Variants in INPP5D observed in about 807,000 individuals in gnomAD.
INPP5D encodes the protein phosphatidylinositol 3,4,5-trisphosphate 5-phosphatase 1.
INPP5D carries 33 observed loss-of-function variants against 122.9 expected under a neutral mutation model. That is an observed-to-expected ratio of 0.27 (90% CI 0.20 to 0.36). The LOEUF (loss-of-function observed/expected upper bound fraction) is 0.36, where lower values mean the gene tolerates loss of function less well. Among genes scored for constraint, INPP5D ranks in the 10% least tolerant of loss-of-function variants. The probability of loss-of-function intolerance (pLI) is 1.00; values close to 1 mark genes in which losing one functional copy is unlikely to be tolerated. For missense variants in INPP5D, 1,053 were observed against 1,412.7 expected (o/e 0.75, Z 4.08); for synonymous variants, 584 against 576.2 (o/e 1.01, Z -0.19).
chr2:233,132,551 C>G (rs1021485594), intron 5 of INPP5D, among the ~76,000 whole-genome samples: 3 of 152,208 alleles, frequency 2.0e-5, no homozygotes, highest in Non-Finnish European at 4.4e-5. Flanking sequence ...ATCAGTAAGG[C>G]GACAGCCAGG....
intron 3 of INPP5D, among the ~76,000 whole-genome samples, chr2:233,125,093 G>A (rs546548462): frequency 4.2e-4 from 64 of 152,246 alleles, no homozygotes; most frequent in Non-Finnish European, 7.3e-4. Flanking sequence ...ATTCGTGTAC[G>A]TACAGAATGA....
chr2:233,146,065 C>T, intron 6 of INPP5D, 97 bp from the exon 7 acceptor site: 2 of 703,616 alleles, frequency 2.8e-6, no homozygotes, highest in East Asian at 2.7e-5. Context: ...TGCGGGGAGG[C>T]TGGAATGGGG....
rs752070499 is a variant in INPP5D at position 233,204,525 on chromosome 2, C to T, written c.3375C>T (p.Ser1125=). The T allele has an allele frequency of 2.5e-6, 4 of 1,580,578 alleles. No individual in the cohort carries two copies. In the South Asian group the frequency reaches 4.6e-5, roughly 18 times the overall value. ...PVPAKRPIKP[S]RSEINQQTPP... The stretch of plus-strand genomic sequence containing the variant: ...CGGCCAAGAGGCCCATCAAGCCTTC[C>T]AGATCGGAAATCAACCAGCAGACCC... The change falls in exon 26 of 27, where the codon TCC becomes TCT. Residue 1125 remains serine, a synonymous_variant. Transcript: ENST00000445964.
intron 10 of INPP5D, 126 bp downstream of exon 10, chr2:233,158,545 C>T (rs138944017): frequency 0.032 from 17,157 of 537,790 alleles, 370 homozygotes; most frequent in Middle Eastern, 0.041. Context: ...CCATTTCACA[C>T]CTGGGAAAGG....
At position 233,179,402 on chromosome 2, in the gene INPP5D, G is replaced by A. The variant is rs181379954; in HGVS notation, c.2071+2056G>A. On this transcript the variant is annotated intron_variant, in intron 18 of 26. Coordinates refer to ENST00000445964, the MANE Select transcript of INPP5D (RefSeq NM_001017915.3). ...CTGTCTGCTTCAGCCAGCCTCTGCC[G>A]AGAGTCAGGAGATAGTGGAGGCTTG... 3.2e-3 allele frequency among the ~76,000 whole-genome samples: 484 copies of A among 152,372 alleles called. 2 individuals are homozygous for A. The highest frequency in any genetic ancestry group is 0.011 in the African/African-American group (467 of 41,580).
intron 2 of INPP5D, among the ~76,000 whole-genome samples, chr2:233,117,079 G>T (rs191675088): frequency 6.6e-6 from 1 of 152,190 alleles, no homozygotes; most frequent in Non-Finnish European, 1.5e-5. Context: ...CTTGGGGGCC[G>T]CCGGTAACCA....
At chr2:233,102,343 G>A (rs1040162661) in intron 2 of INPP5D, among the ~76,000 whole-genome samples, 5 of 152,156 alleles carry the variant, frequency 3.3e-5, no homozygotes, top group South Asian at 2.1e-4. Context: ...TGCCTTTGAA[G>A]GGGTGTTTCC....
intron 2 of INPP5D, among the ~76,000 whole-genome samples, chr2:233,086,813 A>G (rs945170310): frequency 2.0e-5 from 3 of 152,224 alleles, no homozygotes; most frequent in African/African-American, 7.2e-5. Context: ...TGAAAATTTC[A>G]AATTGAATAT....
chr2:233,130,392 G>A, intron 4 of INPP5D, 116 bp from the exon 5 acceptor site: 4 of 1,111,620 alleles, frequency 3.6e-6, no homozygotes, highest in Non-Finnish European at 5.1e-6. Flanking sequence ...CTGAAGGACG[G>A]TGTCCCCTTG....
intron 1 of INPP5D, among the ~76,000 whole-genome samples, chr2:233,062,004 C>G (rs1399030903): frequency 1.3e-5 from 2 of 152,234 alleles, no homozygotes; most frequent in Admixed American, 1.3e-4. Context: ...TTCCTGTGTC[C>G]CCTCTCTCAT....
intron 18 of INPP5D, among the ~76,000 whole-genome samples, chr2:233,178,386 C>A (rs1329085111): frequency 6.6e-6 from 1 of 152,114 alleles, no homozygotes; most frequent in Non-Finnish European, 1.5e-5. Context: ...CCATTACTTA[C>A]GAAGTGAGAC....
chr2:233,178,775 CGCCAG>C (rs1304171657), intron 18 of INPP5D, among the ~76,000 whole-genome samples: 3 of 152,158 alleles, frequency 2.0e-5, no homozygotes, highest in Non-Finnish European at 4.4e-5. Flanking sequence ...TGAGTCACTG[CGCCAG>C]GCCCAGTGGT....
At chr2:233,204,845 A>C (rs558375648) in intron 26 of INPP5D, 128 bp downstream of exon 26, 336 of 1,224,866 alleles carry the variant, frequency 2.7e-4, no homozygotes, top group Middle Eastern at 2.9e-4. Flanking sequence ...TGCATGTGTG[A>C]ACGCATGCAT....
chr2:233,121,121 C>CTTTTTTTTTTTCTTTTT (rs1559302919), intron 2 of INPP5D, among the ~76,000 whole-genome samples: 1 of 117,652 alleles, frequency 8.5e-6, no homozygotes, highest in Non-Finnish European at 1.8e-5. Context: ...TTCTTTCTTT[C>CTTTTTTTTTTTCTTTTT]TTTTTTTTTT....
At chr2:233,088,354 C>T (rs1360486180) in intron 2 of INPP5D, among the ~76,000 whole-genome samples, 1 of 152,216 alleles carries the variant, frequency 6.6e-6, no homozygotes, top group African/African-American at 2.4e-5. Context: ...TCATCTTTCT[C>T]CTCTTCCTGG....
rs1430002906 is a variant in INPP5D, at chr2:233,169,416, TC to T, written c.1652+21del. On this transcript the variant is annotated intron_variant, in intron 14 of 26. Coordinates refer to ENST00000445964, the MANE Select transcript of INPP5D (RefSeq NM_001017915.3). ...AAGAAACTCAGGTAATGGAACTCCT[TC>T]CCCCCAAGAGTGTGCATTTGGGCTG... The T allele has an allele frequency of 1.3e-6, 2 of 1,573,936 alleles. No homozygotes were observed. Among genetic ancestry groups the T allele is most frequent in the Non-Finnish European group, 1.7e-6 (2 of 1,158,716 alleles).
rs1431878273 is a variant in INPP5D at position 233,082,874 on chromosome 2, C to T, written c.198+3476C>T. ...CTCCCGGCCTCCCCGGCTAAGCTTT[C>T]TTCCTTCCAATCCAGAAGGTGTTTC... is the stretch of plus-strand genomic sequence containing the variant. On this transcript the variant is annotated intron_variant, in intron 2 of 26. Coordinates refer to ENST00000445964, the MANE Select transcript of INPP5D (RefSeq NM_001017915.3). This position sits in a 1 kb window ranked among gnomAD's most constrained non-coding sequence, Gnocchi z 4.7. Among the ~76,000 whole-genome samples the T allele has an allele frequency of 6.6e-6, 1 of 152,260 alleles. No homozygotes were observed. Among genetic ancestry groups the T allele is most frequent in the Non-Finnish European group, 1.5e-5 (1 of 68,044 alleles).
At position 233,197,643 on chromosome 2, in the gene INPP5D, G is replaced by A. The variant is rs919392418; in HGVS notation, c.2694-452G>A. Among the ~76,000 whole-genome samples, 3 of 152,248 alleles carry A rather than the reference G, an allele frequency of 2.0e-5. No individual in the cohort carries two copies. Among genetic ancestry groups the A allele is most frequent in the South Asian group, 2.1e-4 (1 of 4,828 alleles). ...GTCTCCCCTTCTTTCTCTCTTATCTGCTTATCTTCTTATCTCAGATGAAAG... is the reference window on the plus strand; with the variant it reads ...GTCTCCCCTTCTTTCTCTCTTATCTACTTATCTTCTTATCTCAGATGAAAG... On this transcript the variant is annotated intron_variant, in intron 24 of 26. Transcript: ENST00000445964. The surrounding 1 kb of genome is among the most constrained non-coding windows in gnomAD (Gnocchi z 4.4).
intron 26 of INPP5D, chr2:233,205,543 G>A (rs7576341): frequency 6.6e-6 from 1 of 150,746 alleles, no homozygotes; most frequent in Non-Finnish European, 1.5e-5. Context: ...TGTATTTTTA[G>A]TAGAGATGGG....
Sources: gnomAD v4.1 joint callset for allele counts (sites outside exome capture counted in the v4.1 genomes callset) on GRCh38, gnomAD v4.1.1 for gene constraint, Gnocchi (gnomAD v3.1) non-coding constraint, MANE v1.5 for transcripts, NCBI Gene and HGNC (gene_info 2026-07-23, HGNC 2026-07-21) for gene names.